FER: variants seen among roughly 807,000 people sequenced by gnomAD.
FER encodes FER tyrosine kinase.
In FER, 63 loss-of-function variants were observed where a neutral mutation model predicts 111.0. The observed-to-expected ratio is 0.57, with a 90% CI of 0.46 to 0.70. The LOEUF (loss-of-function observed/expected upper bound fraction) is 0.70, where lower values mean the gene tolerates loss of function less well. Among genes scored for constraint, FER ranks in the 30% least tolerant of loss-of-function variants. The probability of loss-of-function intolerance (pLI) is 0.00; values close to 1 mark genes in which losing one functional copy is unlikely to be tolerated. For synonymous variants in FER, 327 were observed against 313.9 expected (o/e 1.04, Z -0.44); for missense variants, 914 against 954.0 (o/e 0.96, Z 0.55).
At chr5:108,849,024 T>C (rs1049719800) in intron 5 of FER, among the ~76,000 whole-genome samples, 2 of 126,088 alleles carry the variant, frequency 1.6e-5, no homozygotes, top group Non-Finnish European at 3.3e-5. Context: ...CTAATCCTTA[T>C]CTTAGTTGCT....
intron 16 of FER, among the ~76,000 whole-genome samples, chr5:109,065,701 CTCT>C (rs1195990496): frequency 6.6e-6 from 1 of 152,138 alleles, no homozygotes; most frequent in Non-Finnish European, 1.5e-5. Context: ...ATTGTATAGC[CTCT>C]TGTCAGTGAA....
intron 17 of FER, among the ~76,000 whole-genome samples, chr5:109,154,907 G>T (rs1276375799): frequency 6.6e-6 from 1 of 151,828 alleles, no homozygotes; most frequent in Non-Finnish European, 1.5e-5. Context: ...GTATAAAACA[G>T]TATTTCTTGC....
At chr5:108,822,709 A>ATTTATTTTATTTTATTTTAT (rs570033160) in intron 3 of FER, among the ~76,000 whole-genome samples, 74 of 121,532 alleles carry the variant, frequency 6.1e-4, no homozygotes, top group East Asian at 4.6e-4. Context: ...ATTTTATTTT[A>ATTTATTTTATTTTATTTTAT]TTTATTTTAT....
intron 16 of FER, among the ~76,000 whole-genome samples, chr5:109,092,104 A>G (rs1319940083): frequency 1.3e-5 from 2 of 151,894 alleles, no homozygotes; most frequent in African/African-American, 2.4e-5. Context: ...AAGCCTGCTG[A>G]CACCTTTATC....
At chr5:108,894,156 T>C (rs1005176943) in intron 9 of FER, among the ~76,000 whole-genome samples, 1 of 152,002 alleles carries the variant, frequency 6.6e-6, no homozygotes, top group Non-Finnish European at 1.5e-5. Context: ...TCCTACTTTT[T>C]CTCACCTTCT....
intron 17 of FER, among the ~76,000 whole-genome samples, chr5:109,172,022 T>C (rs1332274640): frequency 6.6e-6 from 1 of 152,124 alleles, no homozygotes; most frequent in Admixed American, 6.5e-5. Flanking sequence ...AGGAACACTT[T>C]TACACTGTTG....
At chr5:108,828,360 A>G (rs1759690555) in intron 3 of FER, among the ~76,000 whole-genome samples, 1 of 152,230 alleles carries the variant, frequency 6.6e-6, no homozygotes, top group Non-Finnish European at 1.5e-5. Context: ...ACTTCTTGAT[A>G]CACAAACTTA....
intron 5 of FER, chr5:108,842,117 T>A (rs1423778084): frequency 1.1e-5 from 2 of 174,236 alleles, no homozygotes; most frequent in African/African-American, 4.8e-5. Context: ...ATGTGATATC[T>A]GAGGTTTGCT....
At chr5:108,870,638 AATG>A (rs10539359) in intron 6 of FER, among the ~76,000 whole-genome samples, 33,459 of 151,922 alleles carry the variant, frequency 0.22, 3,855 homozygotes, top group African/African-American at 0.28. Flanking sequence ...TTTTATAAGT[AATG>A]ATGGTGGAAA....
At position 108,904,361 on chromosome 5, in the gene FER, C is replaced by T. The variant is rs79575167; in HGVS notation, c.1236+6513C>T. ...TAAGGAAGGATTCCTTGATAAAGTG[C>T]CATTTGTGCAGATATCTGGAAGAAC... On this transcript the variant is annotated intron_variant, in intron 10 of 19. Coordinates refer to ENST00000281092, the MANE Select transcript of FER (RefSeq NM_005246.4). 1.8e-4 allele frequency among the ~76,000 whole-genome samples: 28 copies of T among 152,188 alleles called. 1 individual carries two copies. In the East Asian group the frequency reaches 5.2e-3, roughly 28 times the overall value.
chr5:109,053,471 C>T (rs1773138114), intron 16 of FER, among the ~76,000 whole-genome samples: 1 of 151,284 alleles, frequency 6.6e-6, no homozygotes. Flanking sequence ...CCTAAATTTA[C>T]TCATGCCTCT....
At chr5:108,799,997 T>C (rs991798544) in intron 3 of FER, among the ~76,000 whole-genome samples, 8 of 151,770 alleles carry the variant, frequency 5.3e-5, no homozygotes, top group African/African-American at 1.9e-4. Context: ...TGTGTACCAC[T>C]ACACCTGGCT....
At chr5:109,012,086 G>A (rs368933417) in intron 13 of FER, among the ~76,000 whole-genome samples, 20 of 152,150 alleles carry the variant, frequency 1.3e-4, no homozygotes, top group South Asian at 2.1e-4. Context: ...TGCATTCGCC[G>A]CACTCTTTGG....
chr5:109,183,069 C>G (rs147148549), intron 18 of FER, among the ~76,000 whole-genome samples: 1 of 151,910 alleles, frequency 6.6e-6, no homozygotes, highest in Non-Finnish European at 1.5e-5. Flanking sequence ...TTTTATGAAA[C>G]GTAGAACAAT....
At chr5:109,062,072 A>G (rs1774488937) in intron 16 of FER, among the ~76,000 whole-genome samples, 1 of 140,286 alleles carries the variant, frequency 7.1e-6, no homozygotes. Flanking sequence ...TGGATAAGTA[A>G]AATCAAACAA....
chr5:109,177,215 T>C (rs188413488), intron 17 of FER, among the ~76,000 whole-genome samples: 13 of 152,328 alleles, frequency 8.5e-5, no homozygotes, highest in African/African-American at 3.1e-4. Flanking sequence ...TACATTTTTA[T>C]AATAATTATC....
At chr5:109,055,947 C>G (rs1410017431) in intron 16 of FER, among the ~76,000 whole-genome samples, 2 of 148,958 alleles carry the variant, frequency 1.3e-5, no homozygotes, top group Non-Finnish European at 3.0e-5. Context: ...CCAAAGAAAA[C>G]ATAAAAATGG....
chr5:109,000,904 A>G (rs1463468537), intron 13 of FER, among the ~76,000 whole-genome samples: 1 of 152,202 alleles, frequency 6.6e-6, no homozygotes, highest in Non-Finnish European at 1.5e-5. Flanking sequence ...GAAAATCTAG[A>G]AGAAATGGAT....
intron 2 of FER, among the ~76,000 whole-genome samples, chr5:108,783,437 A>AT (rs1471939113): frequency 6.6e-6 from 1 of 152,106 alleles, no homozygotes; most frequent in Non-Finnish European, 1.5e-5. Flanking sequence ...TCAACATCTG[A>AT]TTCATCTAGG....
Sources: gnomAD v4.1 joint callset for allele counts (sites outside exome capture counted in the v4.1 genomes callset) on GRCh38, gnomAD v4.1.1 for gene constraint, MANE v1.5 for transcripts, NCBI Gene and HGNC (gene_info 2026-07-23, HGNC 2026-07-21) for gene names.